Variants in SGK1 observed in about 807,000 individuals in gnomAD.
SGK1 encodes the protein serine/threonine-protein kinase Sgk1.
In SGK1, 26 loss-of-function variants were observed where a neutral mutation model predicts 64.2. The ratio of observed to expected loss-of-function variants is 0.40; its 90% confidence interval spans 0.30 to 0.56. The LOEUF is 0.56. SGK1 is among the 20% of genes least tolerant of loss of function. SGK1 has a pLI of 0.38. For synonymous variants in SGK1, 265 were observed against 239.7 expected (o/e 1.11, Z -0.98); for missense variants, 519 against 645.6 (o/e 0.80, Z 2.12).
chr6:134,177,031 T>A (rs531290492), intron 3 of SGK1, among the ~76,000 whole-genome samples: 6 of 152,188 alleles, frequency 3.9e-5, no homozygotes, highest in African/African-American at 1.4e-4. Context: ...CTGGCTAACA[T>A]GGTGAAACCC....
intron 3 of SGK1, among the ~76,000 whole-genome samples, chr6:134,194,170 CTT>C (rs57567582): frequency 0.011 from 1,597 of 145,772 alleles, 37 homozygotes; most frequent in African/African-American, 0.038. Flanking sequence ...AGCTGGAAAT[CTT>C]TTTTTTTTTT....
Position 134,174,053 on chromosome 6 carries a change from G to A in SGK1, c.465C>T (p.Ile155=), listed in dbSNP as rs1775126634. ...TAAGCTCAGGCTCCTGAGGTTGGGA[G>A]ATCTTCAAGATGGACTGAACTTCAG... is the stretch of plus-strand genomic sequence containing the variant. ...KHPEVQSILK[I]SQPQEPELMN... is the part of the protein sequence containing the mutation. Residue 155 remains isoleucine (I), a synonymous_variant, in exon 5 of 14, where the codon ATC becomes ATT. Transcript: ENST00000367858. 1 of 1,613,482 alleles carries A rather than the reference G, an allele frequency of 6.2e-7. No individual in the cohort carries two copies. Among genetic ancestry groups the A allele is most frequent in the South Asian group, 1.1e-5 (1 of 90,984 alleles).
chr6:134,298,230 C>T (rs1582771681), intron 1 of SGK1: 15 of 1,573,738 alleles, frequency 9.5e-6, no homozygotes, highest in Middle Eastern at 2.1e-4. Context: ...TCAGCTTCTC[C>T]TGGCCCCGAG....
intron 3 of SGK1, among the ~76,000 whole-genome samples, chr6:134,199,536 G>C (rs1290697119): frequency 7.7e-6 from 1 of 130,172 alleles, no homozygotes; most frequent in Non-Finnish European, 1.6e-5. Context: ...TCCAGACTGG[G>C]CGACAGGGCA....
chr6:134,302,187 T>A (rs114206272), intron 1 of SGK1, among the ~76,000 whole-genome samples: 18 of 152,302 alleles, frequency 1.2e-4, no homozygotes, highest in African/African-American at 4.3e-4. Flanking sequence ...TTAAATTAGG[T>A]CAAAACTCAT....
intron 1 of SGK1, among the ~76,000 whole-genome samples, chr6:134,280,193 T>G (rs1242755796): frequency 7.1e-6 from 1 of 140,812 alleles, no homozygotes; most frequent in African/African-American, 2.6e-5. Flanking sequence ...AATGAGACAC[T>G]GTCTCAAAAA....
Position 134,280,762 on chromosome 6 carries a change from G to A in SGK1, c.70-18614C>T, listed in dbSNP as rs148799511. 4.2e-3 allele frequency among the ~76,000 whole-genome samples: 639 copies of A among 152,226 alleles called. 5 individuals are homozygous for A. The highest frequency in any genetic ancestry group is 0.012 in the African/African-American group (496 of 41,534). ...AAGTGTGTGCCTGTCACCCTGCGAG[G>A]TCTGAATGAAATAGCAGATCCAGGC... On this transcript the variant is annotated intron_variant, in intron 1 of 13. Coordinates refer to ENST00000367858, the MANE Select transcript of SGK1 (RefSeq NM_001143676.3).
Position 134,265,017 on chromosome 6 carries a change from A to G in SGK1, c.70-2869T>C, listed in dbSNP as rs113895798. On this transcript the variant is annotated intron_variant, in intron 1 of 13. Transcript: ENST00000367858. ...AATAGCAATAATGTTTAAGCAATTT[A>G]TTATATTACTTGATAGAATATTTTG... Among the ~76,000 whole-genome samples the G allele has an allele frequency of 9.6e-3, 1,469 of 152,374 alleles. 26 individuals are homozygous for G. Among genetic ancestry groups the G allele is most frequent in the African/African-American group, 0.033 (1,388 of 41,588 alleles).
intron 2 of SGK1, among the ~76,000 whole-genome samples, chr6:134,255,067 ACCATGTTGG>A (rs1483647561): frequency 2.6e-5 from 4 of 151,980 alleles, no homozygotes; most frequent in African/African-American, 9.7e-5. Flanking sequence ...ACAGGGTTTC[ACCATGTTGG>A]CCAGGCTGGT....
chr6:134,226,575 T>C (rs1776183696), intron 2 of SGK1, among the ~76,000 whole-genome samples: 1 of 151,790 alleles, frequency 6.6e-6, no homozygotes, highest in African/African-American at 2.4e-5. Flanking sequence ...GCACCTGTAG[T>C]CCCAGCTACC....
At chr6:134,312,784 T>G (rs1777625326) in intron 1 of SGK1, among the ~76,000 whole-genome samples, 1 of 152,132 alleles carries the variant, frequency 6.6e-6, no homozygotes, top group Non-Finnish European at 1.5e-5. Flanking sequence ...AATTTTTTTT[T>G]TTCCTTGAGA....
intron 3 of SGK1, among the ~76,000 whole-genome samples, chr6:134,205,231 A>G (rs1306818355): frequency 6.6e-6 from 1 of 152,108 alleles, no homozygotes; most frequent in Admixed American, 6.5e-5. Flanking sequence ...TGTGCTGTAG[A>G]TCTTACTAGC....
At chr6:134,287,673 G>A (rs1454156434) in intron 1 of SGK1, among the ~76,000 whole-genome samples, 1 of 151,872 alleles carries the variant, frequency 6.6e-6, no homozygotes, top group African/African-American at 2.4e-5. Context: ...GTATTAAAGT[G>A]AGTTGTAGAT....
chr6:134,191,835 A>ATTTTTTTTTTTTTTTTT lies in SGK1; in HGVS notation c.361+15504_361+15520dup, dbSNP rs71003671. On this transcript the variant is annotated intron_variant, in intron 3 of 13. Transcript: ENST00000367858. ...AGGCATGCGCCACCACGCCCGGCTG[A>ATTTTTTTTTTTTTTTTT]TTTTTTTTTTTTTTTTTTGAGACAG... Among the ~76,000 whole-genome samples the ATTTTTTTTTTTTTTTTT allele has an allele frequency of 7.2e-4, 44 of 61,202 alleles. 10 individuals are homozygous for ATTTTTTTTTTTTTTTTT. The highest frequency in any genetic ancestry group is 2.0e-3 in the African/African-American group (30 of 14,866). The allele number at this position is 61,202 out of a possible 152,430, so 40.2% of individuals were successfully genotyped here.
intron 2 of SGK1, among the ~76,000 whole-genome samples, chr6:134,236,312 C>T (rs1435652801): frequency 6.6e-6 from 1 of 152,072 alleles, no homozygotes; most frequent in Non-Finnish European, 1.5e-5. Context: ...TTGTTGTTTT[C>T]ACCAATAGCC....
At chr6:134,221,297 C>A (rs1776087386) in intron 2 of SGK1, among the ~76,000 whole-genome samples, 1 of 152,070 alleles carries the variant, frequency 6.6e-6, no homozygotes, top group African/African-American at 2.4e-5. Context: ...GAGTGAGACT[C>A]CGCCTCAAAA....
At chr6:134,267,535 C>T (rs1030647714) in intron 1 of SGK1, among the ~76,000 whole-genome samples, 1 of 152,082 alleles carries the variant, frequency 6.6e-6, no homozygotes, top group African/African-American at 2.4e-5. Flanking sequence ...TCAAGTGATC[C>T]TCCTGCCTTG....
At chr6:134,174,805 C>T in intron 3 of SGK1, 1 of 1,614,182 alleles carries the variant, frequency 6.2e-7, no homozygotes, top group Non-Finnish European at 8.5e-7. Context: ...TTTTCACCGT[C>T]ATCACCACCG....
chr6:134,220,575 G>A (rs916289856), intron 2 of SGK1, among the ~76,000 whole-genome samples: 1 of 152,160 alleles, frequency 6.6e-6, no homozygotes, highest in African/African-American at 2.4e-5. Flanking sequence ...GTGCCCCTGG[G>A]ATATTAGTTA....
Sources: allele counts gnomAD v4.1 joint callset (sites outside exome capture counted in the v4.1 genomes callset), GRCh38; gene constraint gnomAD v4.1.1; transcripts MANE v1.5; gene names NCBI Gene and HGNC (gene_info 2026-07-23, HGNC 2026-07-21).